Variants in ZER1 observed in about 807,000 individuals in gnomAD.
The protein encoded by ZER1 is zyg-11 related cell cycle regulator.
A neutral mutation model predicts 78.8 loss-of-function variants in ZER1; 11 were observed. That is an observed-to-expected ratio of 0.14 (90% CI 0.09 to 0.23). ZER1 has a LOEUF of 0.23. ZER1 is among the 10% of genes least tolerant of loss of function. The probability of loss-of-function intolerance (pLI) is 1.00; values close to 1 mark genes in which losing one functional copy is unlikely to be tolerated. For missense variants in ZER1, 588 were observed against 996.9 expected (o/e 0.59, Z 5.52); for synonymous variants, 400 against 407.0 (o/e 0.98, Z 0.21).
Position 128,751,101 on chromosome 9 carries a change from G to A in ZER1, c.1185+21C>T, listed in dbSNP as rs889545015. The stretch of plus-strand genomic sequence containing the variant: ...CAGGTGGGGAGGGACAGGAGGCCAA[G>A]GCCCCAGGCTTGGAGCTGACCTTCA... On this transcript the variant is annotated intron_variant, in intron 7 of 15. Transcript: ENST00000291900. The surrounding 1 kb of genome is among the most constrained non-coding windows in gnomAD (Gnocchi z 5.4). 6 of 1,568,716 alleles carry A rather than the reference G, an allele frequency of 3.8e-6. No homozygotes were observed. The African/African-American group carries it at 8.1e-5, about 21-fold the overall frequency.
rs1282196574 is a variant in ZER1, at chr9:128,755,413, G to A, written c.153C>T (p.Val51=). Residue 51 remains valine (V), a synonymous_variant, in exon 2 of 16, where the codon GTC becomes GTT. Coordinates refer to ENST00000291900, the MANE Select transcript of ZER1 (RefSeq NM_006336.4). This position sits in a 1 kb window ranked among gnomAD's most constrained non-coding sequence, Gnocchi z 5.6. ...FLPSEICDRL[V]NEYVELVNAA... ...TCAGCCCTGGGTCTGCTCACTCATT[G>A]ACGAGCCGGTCACAGATCTCGCTGG... 3.7e-6 allele frequency: 6 copies of A among 1,613,894 alleles called. No homozygotes were observed. Among genetic ancestry groups the A allele is most frequent in the Non-Finnish European group, 5.1e-6 (6 of 1,180,006 alleles).
chr9:128,736,300 G>T (rs570662273), intron 13 of ZER1, among the ~76,000 whole-genome samples: 1 of 152,076 alleles, frequency 6.6e-6, no homozygotes, highest in African/African-American at 2.4e-5. Context: ...TGGCCAGGTT[G>T]GTTTCGAACT....
intron 8 of ZER1, among the ~76,000 whole-genome samples, chr9:128,749,415 G>C (rs892393501): frequency 2.0e-5 from 3 of 152,192 alleles, no homozygotes; most frequent in African/African-American, 7.2e-5. Flanking sequence ...TGTGAAATGT[G>C]CCTCCCTCAA....
chr9:128,772,382 C>G (rs1235899711), upstream of ZER1: 1 of 152,354 alleles, frequency 6.6e-6, no homozygotes, highest in Non-Finnish European at 1.5e-5. Flanking sequence ...ACCAGGCAAC[C>G]GAGCTTCCAA....
chr9:128,755,774 C>T lies in ZER1; in HGVS notation c.-94-115G>A. 1.6e-6 allele frequency: 1 copy of T among 620,328 alleles called. No individual in the cohort carries two copies. The highest frequency in any genetic ancestry group is 2.7e-6 in the Non-Finnish European group (1 of 367,770). 38.4% of individuals were successfully genotyped at this position (620,328 alleles called of 1,614,324 possible). ...GACCACACTCCAATTAGCAGCTTAG[C>T]AGGGCCAGGCCCAGGTCTCCTGACT... is the stretch of plus-strand genomic sequence containing the variant. On this transcript the variant is annotated intron_variant, in intron 1 of 15. Transcript: ENST00000291900. The surrounding 1 kb of genome is among the most constrained non-coding windows in gnomAD (Gnocchi z 5.6).
rs185513473 is a variant in ZER1 at position 128,750,234 on chromosome 9, T to C, written c.1359+382A>G. On this transcript the variant is annotated intron_variant, in intron 8 of 15. Transcript: ENST00000291900. The stretch of plus-strand genomic sequence containing the variant: ...TGCCTGTCTCTGGGTAGTGGGTTTA[T>C]GGGTGATTTTTATTTTCTGTATATC... Among the ~76,000 whole-genome samples, 473 of 152,360 alleles carry C rather than the reference T, an allele frequency of 3.1e-3. 7 individuals carry two copies. Among genetic ancestry groups the C allele is most frequent in the Admixed American group, 0.029 (448 of 15,300 alleles).
intron 1 of ZER1, among the ~76,000 whole-genome samples, chr9:128,769,704 A>C (rs745792781): frequency 2.0e-5 from 3 of 152,214 alleles, no homozygotes; most frequent in South Asian, 4.1e-4. Context: ...CACCACACCC[A>C]GCCTGCTGTA....
intron 13 of ZER1, among the ~76,000 whole-genome samples, chr9:128,738,290 C>T (rs1452812854): frequency 9.8e-5 from 13 of 133,150 alleles, no homozygotes; most frequent in Admixed American, 3.3e-4. Flanking sequence ...ATGATCTGCC[C>T]GCCTCTGCCT....
chr9:128,738,607 G>T (rs888973895), intron 13 of ZER1, among the ~76,000 whole-genome samples: 2 of 150,302 alleles, frequency 1.3e-5, no homozygotes, highest in African/African-American at 2.4e-5. Context: ...AGATGGTCTC[G>T]ATTTCCTGAC....
chr9:128,738,883 G>A (rs1863188939), intron 13 of ZER1, among the ~76,000 whole-genome samples: 1 of 138,278 alleles, frequency 7.2e-6, no homozygotes, highest in Non-Finnish European at 1.5e-5. Context: ...ATGGAGTCTT[G>A]GTCTGTTGCC....
At chr9:128,759,108 T>C (rs1268528175) in intron 1 of ZER1, among the ~76,000 whole-genome samples, 1 of 151,964 alleles carries the variant, frequency 6.6e-6, no homozygotes, top group African/African-American at 2.4e-5. Context: ...GTCATTCTCC[T>C]GCCTCAGCCT....
chr9:128,769,563 G>A lies in ZER1; in HGVS notation c.-95+2018C>T, dbSNP rs561616832. 3.2e-4 allele frequency among the ~76,000 whole-genome samples: 49 copies of A among 152,016 alleles called. No homozygotes were observed. The East Asian group carries it at 8.3e-3, about 26-fold the overall frequency. On this transcript the variant is annotated intron_variant, in intron 1 of 15. Transcript: ENST00000291900. ...CCAGTAGCTGAGATTACAGGCATGC[G>A]TCACCACACCCGGCTAATTTTTGTA...
At chr9:128,759,700 C>A (rs12350939) in intron 1 of ZER1, among the ~76,000 whole-genome samples, 1 of 151,244 alleles carries the variant, frequency 6.6e-6, no homozygotes, top group Non-Finnish European at 1.5e-5. Flanking sequence ...GAGGCTGAGG[C>A]AGGAGAATGG....
chr9:128,736,047 C>T (rs1863066236), intron 13 of ZER1, among the ~76,000 whole-genome samples: 1 of 151,770 alleles, frequency 6.6e-6, no homozygotes, highest in African/African-American at 2.4e-5. Flanking sequence ...CTCCCTGGTT[C>T]ACGCCATTCT....
In ZER1 at chr9:128,741,646, C is replaced by T. The variant is rs1481028986; in HGVS notation, c.1626G>A (p.Gln542=). Residue 542 remains glutamine, a synonymous_variant, in exon 11 of 16, where the codon CAG becomes CAA. Transcript: ENST00000291900. ...GGGCACTCCAGGAGAACTCCATGAC[C>T]TGGTCACACTGTGAGGGCAGGGCAG... is the stretch of plus-strand genomic sequence containing the variant. ...QKKLLDKTCD[Q]VMEFSWSALW... 6.2e-7 allele frequency: 1 copy of T among 1,614,162 alleles called. No individual in the cohort carries two copies. The highest frequency in any genetic ancestry group is 1.3e-5 in the African/African-American group (1 of 75,044).
chr9:128,770,910 CTGT>C (rs2132504423), intron 1 of ZER1, among the ~76,000 whole-genome samples: 1 of 152,324 alleles, frequency 6.6e-6, no homozygotes, highest in South Asian at 2.1e-4. Flanking sequence ...TGGCTCATGC[CTGT>C]ATTTCCAGCA....
chr9:128,742,460 C>G, intron 9 of ZER1, 70 bp downstream of exon 9: 1 of 1,567,814 alleles, frequency 6.4e-7, no homozygotes. Context: ...CTGAGACTCT[C>G]GCTCAGGGTA....
In ZER1 at chr9:128,735,760, G is replaced by GTTTTTTTTTTT. The variant is rs779646793; in HGVS notation, c.2043-330_2043-329insAAAAAAAAAAA. On this transcript the variant is annotated intron_variant, in intron 13 of 15. Coordinates refer to ENST00000291900, the MANE Select transcript of ZER1 (RefSeq NM_006336.4). Reference sequence around the variant, plus strand: ...CTGGGAACAGAAGCACGTGTGACCTGGTTTTTTTTTTTTTTTTTTTTTTTT... The same window carrying GTTTTTTTTTTT: ...CTGGGAACAGAAGCACGTGTGACCTGTTTTTTTTTTTGTTTTTTTTTTTTTTTTTTTTTTTT... Among the ~76,000 whole-genome samples, 132 of 16,194 alleles carry GTTTTTTTTTTT rather than the reference G, an allele frequency of 8.2e-3. 62 individuals carry two copies. The highest frequency in any genetic ancestry group is 0.019 in the African/African-American group (118 of 6,066). 10.6% of individuals were successfully genotyped at this position (16,194 alleles called of 152,430 possible).
chr9:128,732,853 G>C lies in ZER1; in HGVS notation c.2243+573C>G, dbSNP rs571891878. The C allele has an allele frequency of 6.5e-6, 1 of 153,384 alleles. No homozygotes were observed. The highest frequency in any genetic ancestry group is 1.5e-5 in the Non-Finnish European group (1 of 68,832). The allele number at this position is 153,384 out of a possible 1,614,324, so 9.5% of individuals were successfully genotyped here. A position where few individuals can be genotyped will look rare whatever the true frequency, so the allele number is the denominator to read the frequency against. On this transcript the variant is annotated intron_variant, in intron 15 of 15. Transcript: ENST00000291900. This position sits in a 1 kb window ranked among gnomAD's most constrained non-coding sequence, Gnocchi z 4.8. Reference sequence around the variant, plus strand: ...GTTCTCCCTTCTAGAATGAATCCTGGAGAAAACAAGGTCGTTCGACGATTT... The same window carrying C: ...GTTCTCCCTTCTAGAATGAATCCTGCAGAAAACAAGGTCGTTCGACGATTT...
Sources: allele counts gnomAD v4.1 joint callset (sites outside exome capture counted in the v4.1 genomes callset), GRCh38; gene constraint gnomAD v4.1.1; non-coding constraint Gnocchi (gnomAD v3.1); transcripts MANE v1.5; gene names NCBI Gene and HGNC (gene_info 2026-07-23, HGNC 2026-07-21).